Variants in HMCN1 observed in about 807,000 individuals in gnomAD.
The protein encoded by HMCN1 is hemicentin 1.
Under a neutral mutation model 625.9 loss-of-function variants are expected in HMCN1, and 321 were observed. The observed-to-expected ratio is 0.51, with a 90% CI of 0.47 to 0.56. The LOEUF (loss-of-function observed/expected upper bound fraction) is 0.56, where lower values mean the gene tolerates loss of function less well. Ranked by LOEUF, HMCN1 falls within the 20% of genes least tolerant of loss-of-function variation. The pLI is 0.00. For synonymous variants in HMCN1, 2,425 were observed against 2,417.6 expected (o/e 1.00, Z -0.09); for missense variants, 6,588 against 6,887.3 (o/e 0.96, Z 1.54).
At position 185,997,425 on chromosome 1, in the gene HMCN1, A is replaced by G. The variant is rs756239651; in HGVS notation, c.3779-4A>G. 1.9e-6 allele frequency: 3 copies of G among 1,600,338 alleles called. No individual in the cohort carries two copies. The highest frequency in any genetic ancestry group is 4.5e-5 in the East Asian group (2 of 44,732). ...CTGTGATAATGCATTTATTTTCCTA[A>G]TAGAACCACCCACAGTGGAAGATCT... On this transcript the variant is annotated splice_region_variant and splice_polypyrimidine_tract_variant and intron_variant, in intron 24 of 106. Transcript: ENST00000271588.
intron 36 of HMCN1, among the ~76,000 whole-genome samples, chr1:186,032,300 A>G (rs1655506561): frequency 6.6e-6 from 1 of 152,126 alleles, no homozygotes; most frequent in East Asian, 1.9e-4. Flanking sequence ...AACCTAATAT[A>G]TGAAAAAAAA....
chr1:185,980,916 T>C, intron 16 of HMCN1, 62 bp from the exon 17 acceptor site: 1 of 1,013,162 alleles, frequency 9.9e-7, no homozygotes, highest in Non-Finnish European at 1.6e-6. Flanking sequence ...CAGCACTGTT[T>C]CTGGCACATA....
chr1:185,968,569 G>A (rs1225740032), intron 14 of HMCN1, among the ~76,000 whole-genome samples: 1 of 151,510 alleles, frequency 6.6e-6, no homozygotes, highest in African/African-American at 2.4e-5. Context: ...CAGTTAAGAA[G>A]TTTTTAAACA....
chr1:185,742,886 T>C (rs1490569268), intron 1 of HMCN1, among the ~76,000 whole-genome samples: 1 of 152,196 alleles, frequency 6.6e-6, no homozygotes, highest in African/African-American at 2.4e-5. Flanking sequence ...TCTTAAAGTA[T>C]AAGGACCAAA....
chr1:186,003,614 A>T, intron 28 of HMCN1, 104 bp from the exon 29 acceptor site: 1 of 1,068,694 alleles, frequency 9.4e-7, no homozygotes, highest in Non-Finnish European at 1.5e-6. Flanking sequence ...TTTTGACATT[A>T]AGATCTTGTT....
rs766496086 is a variant in HMCN1 at position 186,112,883 on chromosome 1, A to T, written c.11061A>T (p.Thr3687=). 6.2e-7 allele frequency: 1 copy of T among 1,614,190 alleles called. No homozygotes were observed. The highest frequency in any genetic ancestry group is 1.1e-5 in the South Asian group (1 of 91,086). The change falls in exon 72 of 107, where the codon ACA becomes ACT. Residue 3687 remains threonine, a synonymous_variant. Coordinates refer to ENST00000271588, the MANE Select transcript of HMCN1 (RefSeq NM_031935.3). ...TCAACAATGCTGACCTAGGTGATAC[A>T]GCCAATTATACCTGTGTTGCCAGCA... The part of the protein sequence containing the change: ...LQINNADLGD[T]ANYTCVASNI...
At chr1:186,170,442 A>G (rs1652152730) in intron 100 of HMCN1, among the ~76,000 whole-genome samples, 1 of 152,214 alleles carries the variant, frequency 6.6e-6, no homozygotes, top group Non-Finnish European at 1.5e-5. Flanking sequence ...CAATCCCATT[A>G]CTGGGTATAT....
At chr1:185,839,434 A>T (rs1349715287) in intron 1 of HMCN1, among the ~76,000 whole-genome samples, 1 of 152,168 alleles carries the variant, frequency 6.6e-6, no homozygotes, top group Non-Finnish European at 1.5e-5. Context: ...ATTAAATCTT[A>T]TTAAATAGCA....
chr1:185,995,234 A>G (rs1216846152), intron 24 of HMCN1, 147 bp downstream of exon 24: 2 of 737,000 alleles, frequency 2.7e-6, no homozygotes, highest in Non-Finnish European at 4.5e-6. Flanking sequence ...TGAAAGAACC[A>G]TTCCCAAAAG....
intron 36 of HMCN1, among the ~76,000 whole-genome samples, chr1:186,027,138 G>T (rs985042132): frequency 3.3e-5 from 5 of 152,138 alleles, no homozygotes; most frequent in African/African-American, 9.7e-5. Context: ...CTGTAGTAAG[G>T]GTGCCTGGTC....
At position 186,106,965 on chromosome 1, in the gene HMCN1, G is replaced by A; in HGVS notation, c.10852G>A (p.Val3618Ile). 1 of 1,598,842 alleles carries A rather than the reference G, an allele frequency of 6.3e-7. No individual in the cohort carries two copies. The highest frequency in any genetic ancestry group is 8.6e-7 in the Non-Finnish European group (1 of 1,166,196). ...TAAGGAATATCTAGTGAGAGTGCAT[G>A]GTAAATTTGACAAAATATCCTACAG... Reference protein sequence around the residue: ...DDKEYLVRVHVPPNIAGTDEP... With the variant: ...DDKEYLVRVHIPPNIAGTDEP... The change falls in exon 70 of 107, where the codon GTA becomes ATA. Residue 3618 changes from valine to isoleucine, a missense_variant and splice_region_variant. This residue lies in a region of HMCN1 where 4,628 missense variants were observed against 4,853.1 expected (regional missense o/e 0.95). Transcript: ENST00000271588.
At chr1:185,939,206 A>G (rs377164841) in intron 11 of HMCN1, among the ~76,000 whole-genome samples, 1 of 152,248 alleles carries the variant, frequency 6.6e-6, no homozygotes, top group African/African-American at 2.4e-5. Flanking sequence ...AAGCAAAGCT[A>G]ACCTCAGAAA....
At chr1:185,774,750 G>C (rs888043272) in intron 1 of HMCN1, among the ~76,000 whole-genome samples, 4 of 152,128 alleles carry the variant, frequency 2.6e-5, no homozygotes, top group African/African-American at 7.2e-5. Flanking sequence ...TGAAAAAAAC[G>C]CTGGTAGGAA....
intron 103 of HMCN1, among the ~76,000 whole-genome samples, chr1:186,175,982 C>T (rs1344073762): frequency 2.6e-5 from 4 of 151,380 alleles, no homozygotes; most frequent in African/African-American, 9.7e-5. Flanking sequence ...TTTTTACCTA[C>T]TAAAATAGTT....
chr1:186,159,844 T>C (rs1460147900), intron 97 of HMCN1, among the ~76,000 whole-genome samples: 2 of 152,244 alleles, frequency 1.3e-5, no homozygotes, highest in African/African-American at 4.8e-5. Context: ...TGAGGATTTT[T>C]GCATCAATGT....
At position 186,132,383 on chromosome 1, in the gene HMCN1, A is replaced by C; in HGVS notation, c.13286A>C (p.Glu4429Ala). 1 of 1,612,512 alleles carries C rather than the reference A, an allele frequency of 6.2e-7. No homozygotes were observed. Among genetic ancestry groups the C allele is most frequent in the Non-Finnish European group, 8.5e-7 (1 of 1,179,226 alleles). The stretch of plus-strand genomic sequence containing the variant: ...GCTACCAATGAAGCTGGGGTGGTGG[A>C]GCGCAGCATGAGTCTGACTCTGCAA... The part of the protein sequence containing the change: ...CVATNEAGVV[E>A]RSMSLTLQSP... Residue 4429 changes from glutamate to alanine, a missense_variant, in exon 86 of 107, where the codon GAG (glutamate) becomes GCG (alanine). Glu to Ala is a moderately radical substitution (Grantham distance 107, BLOSUM62 -1). Around this residue, in one of 3 missense-constraint regions of HMCN1, gnomAD observed 1,954 missense variants for 2,013.1 expected, o/e 0.97. Coordinates refer to ENST00000271588, the MANE Select transcript of HMCN1 (RefSeq NM_031935.3).
At chr1:185,841,005 T>C (rs951529220) in intron 1 of HMCN1, among the ~76,000 whole-genome samples, 2 of 151,918 alleles carry the variant, frequency 1.3e-5, no homozygotes, top group African/African-American at 4.8e-5. Flanking sequence ...AATCTGTAAG[T>C]GGAAAGGAAA....
intron 86 of HMCN1, among the ~76,000 whole-genome samples, chr1:186,136,242 C>T (rs1267982143): frequency 1.3e-5 from 2 of 152,042 alleles, no homozygotes; most frequent in African/African-American, 2.4e-5. Context: ...TGAATATTCA[C>T]CATATAAAAC....
intron 85 of HMCN1, among the ~76,000 whole-genome samples, chr1:186,130,986 A>G (rs1297907870): frequency 6.6e-6 from 1 of 152,202 alleles, no homozygotes; most frequent in African/African-American, 2.4e-5. Flanking sequence ...TTGAAGAATT[A>G]CAAACACAGT....
Sources: allele counts gnomAD v4.1 joint callset (sites outside exome capture counted in the v4.1 genomes callset), GRCh38; gene constraint gnomAD v4.1.1; regional missense constraint gnomAD v4.1.1; transcripts MANE v1.5; gene names NCBI Gene and HGNC (gene_info 2026-07-23, HGNC 2026-07-21).